ITGA9: variants seen among roughly 807,000 people sequenced by gnomAD.
ITGA9 encodes the protein integrin alpha-9.
Under a neutral mutation model 127.8 loss-of-function variants are expected in ITGA9, and 56 were observed. That is an observed-to-expected ratio of 0.44 (90% CI 0.35 to 0.55). ITGA9 has a LOEUF of 0.55. ITGA9 is among the 20% of genes least tolerant of loss of function. ITGA9 has a pLI of 0.00. For synonymous variants in ITGA9, 508 were observed against 514.5 expected (o/e 0.99, Z 0.17); for missense variants, 1,196 against 1,347.1 (o/e 0.89, Z 1.76).
chr3:37,656,727 G>A (rs920172308), intron 17 of ITGA9, among the ~76,000 whole-genome samples: 1 of 152,116 alleles, frequency 6.6e-6, no homozygotes, highest in Non-Finnish European at 1.5e-5. Flanking sequence ...CCAATACTAT[G>A]TTGAATAGGA....
In ITGA9 at chr3:37,799,990, G is replaced by A. The variant is rs1282188091; in HGVS notation, c.2890-3833G>A. ...GACACTCAGCTCATCACTCACAGAT[G>A]AGTTTGAGAGTTGTGATGTGAGAGA... On this transcript the variant is annotated intron_variant, in intron 26 of 27. Coordinates refer to ENST00000264741, the MANE Select transcript of ITGA9 (RefSeq NM_002207.3). The surrounding 1 kb of genome is among the most constrained non-coding windows in gnomAD (Gnocchi z 4.0). Among the ~76,000 whole-genome samples the A allele has an allele frequency of 6.6e-6, 1 of 152,290 alleles. No homozygotes were observed.
intron 23 of ITGA9, among the ~76,000 whole-genome samples, chr3:37,755,630 A>T (rs188375561): frequency 4.2e-4 from 64 of 152,374 alleles, no homozygotes; most frequent in Non-Finnish European, 7.8e-4. Flanking sequence ...ATAAATATTA[A>T]AGAATAAAGT....
At chr3:37,791,226 G>T (rs949693704) in intron 26 of ITGA9, among the ~76,000 whole-genome samples, 2 of 152,122 alleles carry the variant, frequency 1.3e-5, no homozygotes, top group East Asian at 3.9e-4. Flanking sequence ...TCAAACTCCC[G>T]TCTCAGTCTG....
chr3:37,457,583 T>A (rs537680556), intron 1 of ITGA9, among the ~76,000 whole-genome samples: 29 of 151,934 alleles, frequency 1.9e-4, no homozygotes, highest in African/African-American at 4.8e-4. Flanking sequence ...GTAGGTCCGC[T>A]TCCTCATTTG....
Position 37,726,211 on chromosome 3 carries a change from C to T in ITGA9, c.2068-6501C>T, listed in dbSNP as rs534982644. ...TAACTAAGTGAGTTAACGTGGAAGC[C>T]GCTTTTACCAGCCCACAAGGGTCAC... is the stretch of plus-strand genomic sequence containing the variant. On this transcript the variant is annotated intron_variant, in intron 18 of 27. Coordinates refer to ENST00000264741, the MANE Select transcript of ITGA9 (RefSeq NM_002207.3). 4.6e-5 allele frequency among the ~76,000 whole-genome samples: 7 copies of T among 152,286 alleles called. No individual in the cohort carries two copies. The South Asian group carries it at 6.2e-4, about 14-fold the overall frequency.
At chr3:37,619,403 G>A (rs1700106639) in intron 15 of ITGA9, among the ~76,000 whole-genome samples, 1 of 152,168 alleles carries the variant, frequency 6.6e-6, no homozygotes, top group Non-Finnish European at 1.5e-5. Context: ...TTGGGGGAGT[G>A]CTCTCAGAAG....
intron 13 of ITGA9, among the ~76,000 whole-genome samples, chr3:37,530,743 TTTTTTTTTTTTTTTTTTTTTTTTTTTGA>T: frequency 5.1e-5 from 1 of 19,798 alleles, no homozygotes; most frequent in African/African-American, 2.0e-4. Context: ...TTTTTTTTTT[TTTTTTTTTTTTTTTTTTTTTTTTTTTGA>T]GACGGAGTCT....
chr3:37,602,435 T>C (rs1300953326), intron 15 of ITGA9, among the ~76,000 whole-genome samples: 2 of 152,098 alleles, frequency 1.3e-5, no homozygotes, highest in Non-Finnish European at 2.9e-5. Flanking sequence ...GAGGCACATA[T>C]ACCAAAGAGC....
intron 16 of ITGA9, among the ~76,000 whole-genome samples, chr3:37,649,235 C>A (rs1387847931): frequency 1.3e-5 from 2 of 151,706 alleles, no homozygotes; most frequent in Non-Finnish European, 2.9e-5. Context: ...TCTATATTTA[C>A]TTTAAATGTA....
At chr3:37,804,409 C>T (rs892419271) in intron 27 of ITGA9, among the ~76,000 whole-genome samples, 6 of 152,210 alleles carry the variant, frequency 3.9e-5, no homozygotes, top group Non-Finnish European at 7.3e-5. Context: ...ATAACTTCTC[C>T]CAACCTCATG....
At chr3:37,732,984 G>C (rs1696312936) in intron 19 of ITGA9, 186 bp downstream of exon 19, 5 of 633,894 alleles carry the variant, frequency 7.9e-6, no homozygotes, top group Admixed American at 4.6e-5. Context: ...TACTCCGGAG[G>C]GGCTGCATCA....
In ITGA9 at chr3:37,629,214, A is replaced by T. The variant is rs777327258; in HGVS notation, c.1717A>T (p.Ile573Phe). The T allele has an allele frequency of 6.2e-7, 1 of 1,613,260 alleles. No homozygotes were observed. Among genetic ancestry groups the T allele is most frequent in the South Asian group, 1.1e-5 (1 of 91,026 alleles). ...KRRVQDVISP[I>F]VFEAAYSLSE... is the part of the protein sequence containing the mutation. The stretch of plus-strand genomic sequence containing the variant: ...GAGGGTGCAGGACGTCATCAGCCCG[A>T]TCGTGTTTGAAGCAGCCTACAGCCT... Residue 573 changes from isoleucine (I) to phenylalanine (F), a missense_variant, in exon 16 of 28, where the codon ATC becomes TTC. Transcript: ENST00000264741. The surrounding 1 kb of genome is among the most constrained non-coding windows in gnomAD (Gnocchi z 4.5).
At chr3:37,751,230 A>G (rs1696581928) in intron 23 of ITGA9, among the ~76,000 whole-genome samples, 1 of 152,240 alleles carries the variant, frequency 6.6e-6, no homozygotes, top group Non-Finnish European at 1.5e-5. Flanking sequence ...AGATGTTAAC[A>G]TCCCTCATGA....
intron 18 of ITGA9, among the ~76,000 whole-genome samples, chr3:37,696,400 T>G (rs954392536): frequency 1.3e-5 from 2 of 152,220 alleles, no homozygotes; most frequent in Non-Finnish European, 2.9e-5. Flanking sequence ...GTCCGCCTTA[T>G]CTATCTTCAC....
At chr3:37,599,867 G>A (rs1699901204) in intron 15 of ITGA9, among the ~76,000 whole-genome samples, 1 of 152,162 alleles carries the variant, frequency 6.6e-6, no homozygotes, top group South Asian at 2.1e-4. Context: ...ATTTAGTTTG[G>A]AAAATGTAGT....
intron 22 of ITGA9, chr3:37,748,912 T>TA (rs1220869937): frequency 1.7e-5 from 14 of 805,680 alleles, no homozygotes; most frequent in Non-Finnish European, 2.8e-5. Context: ...AATAGGTGTC[T>TA]AAAAAATGAA....
At chr3:37,541,935 T>C (rs114076493) in intron 14 of ITGA9, among the ~76,000 whole-genome samples, 2,024 of 152,298 alleles carry the variant, frequency 0.013, 31 homozygotes, top group African/African-American at 0.036. Flanking sequence ...GACTCAACTT[T>C]GTTGAGATGA....
At chr3:37,776,659 A>T (rs1009185626) in intron 23 of ITGA9, among the ~76,000 whole-genome samples, 28 of 152,342 alleles carry the variant, frequency 1.8e-4, no homozygotes, top group Middle Eastern at 6.8e-3. Context: ...AATCATCAAG[A>T]AAGACTAAGC....
intron 18 of ITGA9, among the ~76,000 whole-genome samples, chr3:37,720,532 T>C (rs942354006): frequency 1.3e-5 from 2 of 152,182 alleles, no homozygotes; most frequent in Non-Finnish European, 2.9e-5. Flanking sequence ...CCGAGGAAAT[T>C]TTTTTTAATT....
Sources: allele counts gnomAD v4.1 joint callset (sites outside exome capture counted in the v4.1 genomes callset), GRCh38; gene constraint gnomAD v4.1.1; non-coding constraint Gnocchi (gnomAD v3.1); transcripts MANE v1.5; gene names NCBI Gene and HGNC (gene_info 2026-07-23, HGNC 2026-07-21).